IL1RAPL2: variants seen among roughly 807,000 people sequenced by gnomAD.
The protein encoded by IL1RAPL2 is X-linked interleukin-1 receptor accessory protein-like 2.
Under a neutral mutation model 44.1 loss-of-function variants are expected in IL1RAPL2, and 3 were observed. The observed-to-expected ratio is 0.07, with a 90% CI of 0.03 to 0.18. The LOEUF (loss-of-function observed/expected upper bound fraction) is 0.18. Among genes scored for constraint, IL1RAPL2 ranks in the 10% least tolerant of loss-of-function variants. IL1RAPL2 has a pLI of 1.00. For synonymous variants in IL1RAPL2, 181 were observed against 178.8 expected (o/e 1.01, Z -0.10); for missense variants, 391 against 496.4 (o/e 0.79, Z 2.02).
intron 5 of IL1RAPL2, among the ~76,000 whole-genome samples, chrX:105,353,889 T>C (rs769040758): frequency 7.6e-4 from 85 of 111,470 alleles, no homozygotes; most frequent in Admixed American, 6.9e-3. Context: ...CAGGGACAAT[T>C]TGACTTCCTC....
At chrX:105,169,404 A>G (rs184682085) in intron 2 of IL1RAPL2, among the ~76,000 whole-genome samples, 2 of 108,908 alleles carry the variant, frequency 1.8e-5, no homozygotes, top group Admixed American at 2.0e-4. Context: ...AGTGAAAAAA[A>G]AAAACAACCA....
intron 5 of IL1RAPL2, among the ~76,000 whole-genome samples, chrX:105,374,291 T>G (rs951975394): frequency 9.0e-6 from 1 of 110,578 alleles, no homozygotes; most frequent in African/African-American, 3.3e-5. Flanking sequence ...TTTGTTCTTT[T>G]TGTTTAGGAT....
At chrX:104,677,379 G>C (rs1444282658) in intron 2 of IL1RAPL2, among the ~76,000 whole-genome samples, 1 of 110,572 alleles carries the variant, frequency 9.0e-6, no homozygotes, top group Non-Finnish European at 1.9e-5. Context: ...CTGTGCCCCT[G>C]CTGGGGGGTG....
In IL1RAPL2 at chrX:105,532,958, G is replaced by A. The variant is rs113448233; in HGVS notation, c.772+48571G>A. On this transcript the variant is annotated intron_variant, in intron 6 of 10. Coordinates refer to ENST00000372582, the MANE Select transcript of IL1RAPL2 (RefSeq NM_017416.2). ...TGTAATCCCAGCACTTTGGGAGGCCGAGGCGGGTGGATCACGAGGTCAGGA... is the reference window on the plus strand; with the variant it reads ...TGTAATCCCAGCACTTTGGGAGGCCAAGGCGGGTGGATCACGAGGTCAGGA... Among the ~76,000 whole-genome samples, 666 of 110,637 alleles carry A rather than the reference G, an allele frequency of 6.0e-3. 8 individuals carry two copies. Among genetic ancestry groups the A allele is most frequent in the African/African-American group, 0.021 (635 of 30,371 alleles).
intron 2 of IL1RAPL2, among the ~76,000 whole-genome samples, chrX:104,813,434 C>A (rs766026790): frequency 2.7e-5 from 3 of 110,933 alleles, no homozygotes; most frequent in African/African-American, 9.8e-5. Context: ...TTTGAGCATT[C>A]ATTGAAAGCA....
At chrX:104,990,318 G>A (rs992786616) in intron 2 of IL1RAPL2, among the ~76,000 whole-genome samples, 8 of 111,865 alleles carry the variant, frequency 7.2e-5, no homozygotes, top group African/African-American at 2.6e-4. Flanking sequence ...TTGGGTAATG[G>A]GATATTCTTC....
At chrX:104,680,899 T>A (rs1330697491) in intron 2 of IL1RAPL2, among the ~76,000 whole-genome samples, 1 of 112,400 alleles carries the variant, frequency 8.9e-6, no homozygotes, top group African/African-American at 3.2e-5. Flanking sequence ...CTAATTTATC[T>A]ATATAGTATT....
chrX:104,976,748 A>T (rs1342433196), intron 2 of IL1RAPL2, among the ~76,000 whole-genome samples: 1 of 110,143 alleles, frequency 9.1e-6, no homozygotes, highest in Non-Finnish European at 1.9e-5. Flanking sequence ...AATGCCAAAA[A>T]CCCCAGAGTA....
intron 5 of IL1RAPL2, among the ~76,000 whole-genome samples, chrX:105,465,977 C>G (rs1226214573): frequency 5.4e-5 from 6 of 111,483 alleles, no homozygotes; most frequent in African/African-American, 1.3e-4. Flanking sequence ...TACATTATCC[C>G]TGACATTATT....
At chrX:104,790,143 T>A (rs760865036) in intron 2 of IL1RAPL2, among the ~76,000 whole-genome samples, 29 of 111,856 alleles carry the variant, frequency 2.6e-4, no homozygotes, top group African/African-American at 8.4e-4. Flanking sequence ...TACAAAAAAA[T>A]TTTTGTTTAA....
chrX:105,105,274 C>G (rs1602956500), intron 2 of IL1RAPL2, among the ~76,000 whole-genome samples: 2 of 111,977 alleles, frequency 1.8e-5, no homozygotes, highest in East Asian at 5.6e-4. Flanking sequence ...GCTAGGTTCC[C>G]TGTGTGGATC....
Position 105,346,847 on chromosome X carries a change from A to AAAT in IL1RAPL2, c.697+79308_697+79310dup, listed in dbSNP as rs973173002. 1.4e-3 allele frequency among the ~76,000 whole-genome samples: 152 copies of AAAT among 112,277 alleles called. 1 individual carries two copies. The highest frequency in any genetic ancestry group is 4.7e-3 in the African/African-American group (146 of 30,952). On this transcript the variant is annotated intron_variant, in intron 5 of 10. Transcript: ENST00000372582. Reference sequence around the variant, plus strand: ...TTGTGTAATAATTTAGCATTGAGAAAAATAGTAAATGTAGCTATTTTTTTC... The same window carrying AAAT: ...TTGTGTAATAATTTAGCATTGAGAAAAATAATAGTAAATGTAGCTATTTTTTTC...
chrX:105,705,631 G>A (rs754995964), intron 6 of IL1RAPL2, among the ~76,000 whole-genome samples: 6 of 111,502 alleles, frequency 5.4e-5, no homozygotes, highest in Non-Finnish European at 1.1e-4. Flanking sequence ...ACAGTATAAG[G>A]CACAGTCCTG....
At chrX:105,680,584 A>C (rs972985348) in intron 6 of IL1RAPL2, among the ~76,000 whole-genome samples, 4 of 112,603 alleles carry the variant, frequency 3.6e-5, no homozygotes, top group Non-Finnish European at 7.5e-5. Context: ...AAGGAGAATA[A>C]ATTCTTACTG....
intron 6 of IL1RAPL2, among the ~76,000 whole-genome samples, chrX:105,619,836 A>AT (rs756631575): frequency 1.1e-4 from 12 of 110,836 alleles, no homozygotes; most frequent in Non-Finnish European, 2.1e-4. Context: ...TGTAGTGAAG[A>AT]TTTTTTTTAG....
intron 2 of IL1RAPL2, among the ~76,000 whole-genome samples, chrX:104,760,572 G>A (rs1409753061): frequency 8.9e-6 from 1 of 111,867 alleles, no homozygotes; most frequent in Non-Finnish European, 1.9e-5. Flanking sequence ...CTTGCCATTT[G>A]TACGTCTTCT....
intron 2 of IL1RAPL2, among the ~76,000 whole-genome samples, chrX:104,840,843 A>G (rs1236703286): frequency 9.4e-6 from 1 of 105,975 alleles, no homozygotes; most frequent in East Asian, 2.9e-4. Flanking sequence ...CCCAGTTATT[A>G]TTTATTTATT....
At chrX:105,630,032 G>A (rs1020130801) in intron 6 of IL1RAPL2, among the ~76,000 whole-genome samples, 3 of 111,436 alleles carry the variant, frequency 2.7e-5, no homozygotes, top group African/African-American at 9.8e-5. Flanking sequence ...GATCTCTAAA[G>A]CCCCCTTCAG....
chrX:105,607,640 A>C (rs529234810), intron 6 of IL1RAPL2, among the ~76,000 whole-genome samples: 21 of 99,806 alleles, frequency 2.1e-4, no homozygotes, highest in Non-Finnish European at 4.1e-4. Flanking sequence ...GCAGACAAAA[A>C]AAAAAAAAAA....
Sources: allele counts gnomAD v4.1 joint callset (sites outside exome capture counted in the v4.1 genomes callset), GRCh38; gene constraint gnomAD v4.1.1; transcripts MANE v1.5; gene names NCBI Gene and HGNC (gene_info 2026-07-23, HGNC 2026-07-21).